OCM: variants seen among roughly 807,000 people sequenced by gnomAD.
The protein encoded by OCM is oncomodulin-1.
In OCM, 18 loss-of-function variants were observed where a neutral mutation model predicts 14.1. The observed-to-expected ratio is 1.28, with a 90% CI of 0.88 to 1.89. The LOEUF (loss-of-function observed/expected upper bound fraction) is 1.89. Among genes scored for constraint, OCM ranks in the 40% most tolerant of loss-of-function variants. The probability of loss-of-function intolerance (pLI) is 0.00; values close to 1 mark genes in which losing one functional copy is unlikely to be tolerated. For missense variants in OCM, 140 were observed against 137.6 expected (o/e 1.02, Z -0.09); for synonymous variants, 48 against 51.0 (o/e 0.94, Z 0.25).
At chr7:5,883,091 C>T (rs1443841035) in intron 2 of OCM, among the ~76,000 whole-genome samples, 1 of 152,168 alleles carries the variant, frequency 6.6e-6, no homozygotes, top group Admixed American at 6.6e-5. Flanking sequence ...ATCCTCCTGC[C>T]TTGGCCTCCC....
the OCM span, among the ~76,000 whole-genome samples, chr7:5,870,802 C>T: frequency 3.3e-5 from 5 of 152,156 alleles, no homozygotes; most frequent in Non-Finnish European, 7.4e-5. Flanking sequence ...TTAATCTGGG[C>T]ACCCCATGGC....
At chr7:5,881,110 A>T (rs1186825790) in intron 1 of OCM, among the ~76,000 whole-genome samples, 160 bp downstream of exon 1, 2 of 151,582 alleles carry the variant, frequency 1.3e-5, no homozygotes, top group African/African-American at 4.9e-5. Context: ...CGAGGTCAGG[A>T]GTTCGAGACC....
At chr7:5,881,157 A>C (rs530553231) in intron 1 of OCM, among the ~76,000 whole-genome samples, 1 of 152,032 alleles carries the variant, frequency 6.6e-6, no homozygotes, top group South Asian at 2.1e-4. Flanking sequence ...TCTCTACTAA[A>C]AATACAAAAA....
the OCM span, among the ~76,000 whole-genome samples, chr7:5,872,244 C>A: frequency 2.0e-5 from 3 of 152,180 alleles, no homozygotes; most frequent in East Asian, 5.8e-4. Context: ...GGGGATCCCC[C>A]ATCCTTGTTA....
the OCM span, among the ~76,000 whole-genome samples, chr7:5,868,028 G>A: frequency 2.6e-5 from 4 of 152,046 alleles, no homozygotes; most frequent in South Asian, 2.1e-4. Flanking sequence ...GTGAGCCACC[G>A]CACCCGGCAT....
the OCM span, among the ~76,000 whole-genome samples, chr7:5,867,769 T>C: frequency 6.6e-6 from 1 of 151,760 alleles, no homozygotes; most frequent in Admixed American, 6.6e-5. Flanking sequence ...TTTTGGGGGG[T>C]TGTTTTTTCT....
the OCM span, among the ~76,000 whole-genome samples, chr7:5,866,307 CAG>C: frequency 7.3e-6 from 1 of 137,282 alleles, no homozygotes; most frequent in Non-Finnish European, 1.5e-5. Flanking sequence ...GCCTGGGCAA[CAG>C]AGTGAGATGA....
intron 3 of OCM, among the ~76,000 whole-genome samples, chr7:5,885,556 G>A (rs1251668088): frequency 6.6e-6 from 1 of 151,314 alleles, no homozygotes; most frequent in African/African-American, 2.4e-5. Flanking sequence ...GGAACCCTGT[G>A]AACTTCCTCG....
the OCM span, among the ~76,000 whole-genome samples, chr7:5,859,991 G>T: frequency 6.6e-6 from 1 of 151,996 alleles, no homozygotes; most frequent in Non-Finnish European, 1.5e-5. Flanking sequence ...CCCAGCCAGT[G>T]TTTTTTTATT....
At position 5,882,530 on chromosome 7, in the gene OCM, A is replaced by C. The variant is rs2128606875; in HGVS notation, c.99A>C (p.Thr33=). The C allele has an allele frequency of 6.2e-7, 1 of 1,614,192 alleles. No homozygotes were observed. The highest frequency in any genetic ancestry group is 1.1e-5 in the South Asian group (1 of 91,082). ...TTGAACCCCAAAAATTCTTCCAGAC[A>C]TCAGGCCTCTCCAAGATGTCAGCCA... The part of the protein sequence containing the change: ...DTFEPQKFFQ[T]SGLSKMSANQ... Residue 33 remains threonine, a synonymous_variant, in exon 2 of 4, where the codon ACA becomes ACC. Coordinates refer to ENST00000242104, the MANE Select transcript of OCM (RefSeq NM_001097622.2).
chr7:5,876,802 C>T (rs1403145842), upstream of OCM, among the ~76,000 whole-genome samples: 1 of 150,544 alleles, frequency 6.6e-6, no homozygotes, highest in Non-Finnish European at 1.5e-5. Flanking sequence ...GAATTGTCTA[C>T]TTCTTTTTTT....
chr7:5,869,629 C>A, the OCM span, among the ~76,000 whole-genome samples: 1 of 151,998 alleles, frequency 6.6e-6, no homozygotes, highest in Non-Finnish European at 1.5e-5. Context: ...AATATATTTC[C>A]TGCAGCACTG....
chr7:5,867,921 A>G, the OCM span, among the ~76,000 whole-genome samples: 1 of 151,882 alleles, frequency 6.6e-6, no homozygotes, highest in Non-Finnish European at 1.5e-5. Flanking sequence ...ATTTTTTTGT[A>G]GAGATGGGGT....
At chr7:5,876,014 T>A (rs555968647), upstream of OCM, among the ~76,000 whole-genome samples, 22 of 151,984 alleles carry the variant, frequency 1.4e-4, no homozygotes, top group East Asian at 4.1e-3. Flanking sequence ...TATTATTATT[T>A]TTTTTTCCGA....
the OCM span, among the ~76,000 whole-genome samples, chr7:5,862,400 C>A: frequency 6.6e-6 from 1 of 152,008 alleles, no homozygotes; most frequent in Non-Finnish European, 1.5e-5. Context: ...AAGTTGCTCA[C>A]AAAGTGAGCC....
At chr7:5,865,115 C>T in the OCM span, among the ~76,000 whole-genome samples, 1 of 151,856 alleles carries the variant, frequency 6.6e-6, no homozygotes, top group African/African-American at 2.4e-5. Flanking sequence ...GACCCAGTCA[C>T]CCGATCCAGT....
At chr7:5,881,318 C>CA (rs1310064726) in intron 1 of OCM, among the ~76,000 whole-genome samples, 996 of 58,770 alleles carry the variant, frequency 0.017, 16 homozygotes, top group African/African-American at 0.051. Context: ...ACTCTGTCTA[C>CA]AAAAAAAAAA....
Position 5,886,143 on chromosome 7 carries a change from C to T in OCM, c.*54C>T, listed in dbSNP as rs546944968. 7.1e-6 allele frequency: 11 copies of T among 1,550,152 alleles called. No homozygotes were observed. In the East Asian group the frequency reaches 2.5e-4, roughly 35 times the overall value. On this transcript the variant is annotated 3_prime_UTR_variant, in exon 4 of 4. Coordinates refer to ENST00000242104, the MANE Select transcript of OCM (RefSeq NM_001097622.2). ...AAGGGATAATCACCTGGAAGGATTCCAAAGCCCTGGGAATGGGGAACCCCA... is the reference window on the plus strand; with the variant it reads ...AAGGGATAATCACCTGGAAGGATTCTAAAGCCCTGGGAATGGGGAACCCCA...
chr7:5,874,265 A>G, the OCM span, among the ~76,000 whole-genome samples: 2 of 144,196 alleles, frequency 1.4e-5, no homozygotes, highest in Non-Finnish European at 3.0e-5. Context: ...ATCTATTTCC[A>G]CATCTTCCTC....
Sources: allele counts gnomAD v4.1 joint callset (sites outside exome capture counted in the v4.1 genomes callset), GRCh38; gene constraint gnomAD v4.1.1; transcripts MANE v1.5; gene names NCBI Gene and HGNC (gene_info 2026-07-23, HGNC 2026-07-21).